Variants in BCAR3 observed in about 807,000 individuals in gnomAD.
BCAR3 encodes breast cancer anti-estrogen resistance protein 3.
BCAR3 carries 37 observed loss-of-function variants against 80.1 expected under a neutral mutation model. The ratio of observed to expected loss-of-function variants is 0.46; its 90% CI spans 0.36 to 0.61. BCAR3 has a LOEUF of 0.61. Among genes scored for constraint, BCAR3 ranks in the 20% least tolerant of loss-of-function variants. The pLI is 0.00. For synonymous variants in BCAR3, 389 were observed against 418.9 expected (o/e 0.93, Z 0.87); for missense variants, 978 against 1,068.2 (o/e 0.92, Z 1.18).
At chr1:93,576,462 C>T (rs904300751) in intron 7 of BCAR3, among the ~76,000 whole-genome samples, 3 of 152,196 alleles carry the variant, frequency 2.0e-5, no homozygotes, top group African/African-American at 4.8e-5. Flanking sequence ...GATCCTGCTG[C>T]GACGTTTTGC....
chr1:93,725,284 A>G (rs780628457), intron 2 of BCAR3, among the ~76,000 whole-genome samples: 2 of 152,222 alleles, frequency 1.3e-5, no homozygotes, highest in African/African-American at 2.4e-5. Flanking sequence ...ATGTGGATGC[A>G]TGATGGTATG....
intron 1 of BCAR3, 85 bp from the exon 2 acceptor site, chr1:93,675,026 T>C: frequency 8.9e-7 from 1 of 1,126,512 alleles, no homozygotes; most frequent in Admixed American, 3.2e-5. Flanking sequence ...AATGGAAATA[T>C]GCCACATAAA....
At chr1:93,572,958 G>A (rs1460363981) in intron 8 of BCAR3, among the ~76,000 whole-genome samples, 1 of 152,188 alleles carries the variant, frequency 6.6e-6, no homozygotes, top group Non-Finnish European at 1.5e-5. Flanking sequence ...AATGGGCTCT[G>A]CCTCCAAGTG....
At chr1:93,624,276 A>G (rs1388941365) in intron 3 of BCAR3, among the ~76,000 whole-genome samples, 2 of 152,246 alleles carry the variant, frequency 1.3e-5, no homozygotes, top group African/African-American at 2.4e-5. Context: ...TGGCTGAGAC[A>G]TCCCCTTATT....
At chr1:93,571,299 A>C (rs1673203989) in intron 9 of BCAR3, among the ~76,000 whole-genome samples, 1 of 152,124 alleles carries the variant, frequency 6.6e-6, no homozygotes, top group East Asian at 1.9e-4. Flanking sequence ...ATGTGAAGTC[A>C]GGAGTTCCAG....
chr1:93,758,935 G>A (rs189640166), intron 2 of BCAR3, among the ~76,000 whole-genome samples: 4 of 152,350 alleles, frequency 2.6e-5, no homozygotes, highest in African/African-American at 9.6e-5. Context: ...TTGGCCAGAT[G>A]CCAGGGAATG....
At chr1:93,608,378 C>CA (rs1419344772) in intron 3 of BCAR3, among the ~76,000 whole-genome samples, 1 of 152,178 alleles carries the variant, frequency 6.6e-6, no homozygotes, top group Non-Finnish European at 1.5e-5. Flanking sequence ...CCAAGATACC[C>CA]ATCAGCTAAA....
chr1:93,835,448 C>T (rs1654730748), intron 2 of BCAR3, among the ~76,000 whole-genome samples: 2 of 152,210 alleles, frequency 1.3e-5, no homozygotes, highest in Non-Finnish European at 2.9e-5. Context: ...CTCCCACCTA[C>T]TCTCCCACTG....
At chr1:93,714,184 TG>T (rs1650120301) in intron 2 of BCAR3, among the ~76,000 whole-genome samples, 1 of 152,184 alleles carries the variant, frequency 6.6e-6, no homozygotes, top group Non-Finnish European at 1.5e-5. Context: ...GGTTTCACCG[TG>T]TTAGCCAGGA....
chr1:93,673,513 C>T (rs564188950), intron 2 of BCAR3, among the ~76,000 whole-genome samples: 3 of 152,134 alleles, frequency 2.0e-5, no homozygotes, highest in African/African-American at 4.8e-5. Context: ...AGTGGCTTTG[C>T]GACAAGCTTG....
intron 2 of BCAR3, among the ~76,000 whole-genome samples, chr1:93,671,428 G>A (rs1159312976): frequency 1.3e-5 from 2 of 152,190 alleles, no homozygotes; most frequent in African/African-American, 2.4e-5. Context: ...GAGGAGGCAG[G>A]AGACATCCAA....
intron 2 of BCAR3, among the ~76,000 whole-genome samples, chr1:93,731,643 A>G (rs1314869501): frequency 8.0e-6 from 1 of 124,582 alleles, no homozygotes; most frequent in Non-Finnish European, 1.7e-5. Context: ...AGTAGATGTT[A>G]AAGTAAAATA....
At chr1:93,768,269 T>TG (rs1652225700) in intron 2 of BCAR3, among the ~76,000 whole-genome samples, 31 of 126,814 alleles carry the variant, frequency 2.4e-4, no homozygotes, top group African/African-American at 9.5e-4. Context: ...GTGTGTGTGT[T>TG]TGTGTGTGTG....
At position 93,644,900 on chromosome 1, in the gene BCAR3, G is replaced by T. The variant is rs187415148; in HGVS notation, c.318-2557C>A. Reference sequence around the variant, plus strand: ...CTGATTTTTCTCCTAGGAAGTTGTTGTTTAAGAATCCTAATTCCAGTTCGA... The same window carrying T: ...CTGATTTTTCTCCTAGGAAGTTGTTTTTTAAGAATCCTAATTCCAGTTCGA... On this transcript the variant is annotated intron_variant, in intron 2 of 11. Coordinates refer to ENST00000260502, the MANE Select transcript of BCAR3 (RefSeq NM_003567.4). Among the ~76,000 whole-genome samples, 337 of 152,332 alleles carry T rather than the reference G, an allele frequency of 2.2e-3. 3 individuals carry two copies. The highest frequency in any genetic ancestry group is 1.8e-3 in the Non-Finnish European group (122 of 68,020).
At chr1:93,763,941 G>A (rs1378841097) in intron 2 of BCAR3, among the ~76,000 whole-genome samples, 1 of 152,090 alleles carries the variant, frequency 6.6e-6, no homozygotes, top group Non-Finnish European at 1.5e-5. Flanking sequence ...CACCACTGAT[G>A]GGATCCAGCT....
At chr1:93,595,699 G>A (rs1297873879) in intron 3 of BCAR3, among the ~76,000 whole-genome samples, 2 of 152,176 alleles carry the variant, frequency 1.3e-5, no homozygotes, top group African/African-American at 2.4e-5. Flanking sequence ...GTACTTTGAT[G>A]GACTGTAAAC....
At position 93,562,316 on chromosome 1, in the gene BCAR3, A is replaced by ATATC; in HGVS notation, c.2399_2402dup (p.Tyr801Ter). The ATATC allele has an allele frequency of 6.2e-7, 1 of 1,614,134 alleles. No individual in the cohort carries two copies. The highest frequency in any genetic ancestry group is 8.5e-7 in the Non-Finnish European group (1 of 1,179,994). On this transcript the variant is annotated stop_gained and frameshift_variant, in exon 12 of 12. Transcript: ENST00000260502. LOFTEE classifies it high-confidence loss of function. ...CAGTTAAAATCTGGTTGAATTTCTC[A>ATATC]TATCTCTCTGTCTGATTGACTTGTG...
chr1:93,724,252 T>TTTA (rs1650504036), intron 2 of BCAR3, among the ~76,000 whole-genome samples: 1 of 152,112 alleles, frequency 6.6e-6, no homozygotes, highest in African/African-American at 2.4e-5. Flanking sequence ...GTCCAGCCTC[T>TTTA]CAGGTGGGGA....
chr1:93,572,946 G>A (rs777973181), intron 8 of BCAR3, among the ~76,000 whole-genome samples: 5 of 152,160 alleles, frequency 3.3e-5, no homozygotes, highest in Non-Finnish European at 7.3e-5. Context: ...TGTTAAATAG[G>A]TAATGGGCTC....
Sources: gnomAD v4.1 joint callset for allele counts (sites outside exome capture counted in the v4.1 genomes callset) on GRCh38, gnomAD v4.1.1 for gene constraint, MANE v1.5 for transcripts, NCBI Gene and HGNC (gene_info 2026-07-23, HGNC 2026-07-21) for gene names.